The following DDR2 variants were observed in gnomAD, a reference collection of about 807,000 sequenced individuals.
DDR2 encodes discoidin domain receptor tyrosine kinase 2.
Under a neutral mutation model 94.9 loss-of-function variants are expected in DDR2, and 27 were observed. The observed-to-expected ratio is 0.28, with a 90% CI of 0.21 to 0.39. The LOEUF (loss-of-function observed/expected upper bound fraction) is 0.39, where lower values mean the gene tolerates loss of function less well. Ranked by LOEUF, DDR2 falls within the 10% of genes least tolerant of loss-of-function variation. The pLI is 1.00. For synonymous variants in DDR2, 382 were observed against 377.2 expected (o/e 1.01, Z -0.15); for missense variants, 783 against 1,076.0 (o/e 0.73, Z 3.81).
chr1:162,754,634 G>A lies in DDR2; in HGVS notation c.196G>A (p.Glu66Lys), dbSNP rs1663366976. 1 of 1,614,022 alleles carries A rather than the reference G, an allele frequency of 6.2e-7. No homozygotes were observed. The change falls in exon 5 of 18, where the codon GAA (glutamate) becomes AAA (lysine). Residue 66 changes from glutamate (E) to lysine (K), a missense_variant. Coordinates refer to ENST00000367921, the MANE Select transcript of DDR2 (RefSeq NM_006182.4). ...TAAKYGRLDS[E>K]EGDGAWCPEI... ...CCCTCACCTCTCAAGGCTGGACTCA[G>A]AAGAAGGGGATGGAGCCTGGTGCCC...
intron 3 of DDR2, among the ~76,000 whole-genome samples, chr1:162,748,065 A>G (rs1207402542): frequency 6.6e-6 from 1 of 152,246 alleles, no homozygotes; most frequent in Non-Finnish European, 1.5e-5. Context: ...TGTAAACACC[A>G]TCGATGCTAG....
chr1:162,698,770 A>G (rs1660302376), intron 2 of DDR2, among the ~76,000 whole-genome samples: 1 of 152,160 alleles, frequency 6.6e-6, no homozygotes, highest in Non-Finnish European at 1.5e-5. Context: ...TTCTTGAACT[A>G]TGCAGCAGTC....
At position 162,684,981 on chromosome 1, in the gene DDR2, A is replaced by T. The variant is rs1659617912; in HGVS notation, c.-28+29607A>T. On this transcript the variant is annotated intron_variant, in intron 2 of 17. Coordinates refer to ENST00000367921, the MANE Select transcript of DDR2 (RefSeq NM_006182.4). ...ATAACACTCAAACTTGAATTGGGACACAAGAACTTTTCCCTCTCGGGCTAG... is the reference window on the plus strand; with the variant it reads ...ATAACACTCAAACTTGAATTGGGACTCAAGAACTTTTCCCTCTCGGGCTAG... Among the ~76,000 whole-genome samples the T allele has an allele frequency of 2.0e-5, 3 of 152,290 alleles. No homozygotes were observed. The East Asian group carries it at 5.8e-4, about 29-fold the overall frequency.
In DDR2 at chr1:162,695,390, C is replaced by T. The variant is rs564050933; in HGVS notation, c.-27-23647C>T. Among the ~76,000 whole-genome samples the T allele has an allele frequency of 9.9e-5, 15 of 152,254 alleles. No homozygotes were observed. The South Asian group carries it at 3.1e-3, about 32-fold the overall frequency. ...GGGATTACAGGCAGTAGCCACCACG[C>T]CGGCTAATTTTTGTATTTTTAGTAG... On this transcript the variant is annotated intron_variant, in intron 2 of 17. Coordinates refer to ENST00000367921, the MANE Select transcript of DDR2 (RefSeq NM_006182.4).
chr1:162,773,922 C>T (rs752422179), intron 14 of DDR2, among the ~76,000 whole-genome samples: 1 of 152,224 alleles, frequency 6.6e-6, no homozygotes, highest in Non-Finnish European at 1.5e-5. Flanking sequence ...AGACATACTC[C>T]TGCATGTCAT....
intron 2 of DDR2, among the ~76,000 whole-genome samples, chr1:162,703,879 G>A (rs757363825): frequency 9.2e-5 from 14 of 152,080 alleles, no homozygotes; most frequent in Admixed American, 4.6e-4. Flanking sequence ...TACTTTGTGC[G>A]CATGCCGGGA....
At chr1:162,664,169 CT>C (rs945136308) in intron 2 of DDR2, among the ~76,000 whole-genome samples, 3 of 151,894 alleles carry the variant, frequency 2.0e-5, no homozygotes, top group Non-Finnish European at 4.4e-5. Flanking sequence ...TTTATGAAGA[CT>C]TTTTTTGCCC....
intron 2 of DDR2, among the ~76,000 whole-genome samples, chr1:162,693,243 G>T (rs913628391): frequency 6.6e-6 from 1 of 152,106 alleles, no homozygotes; most frequent in African/African-American, 2.4e-5. Flanking sequence ...GGCCCTGAGT[G>T]GTGATAACAC....
At position 162,754,826 on chromosome 1, in the gene DDR2, A is replaced by G. The variant is rs1663378999; in HGVS notation, c.388A>G (p.Ile130Val). Residue 130 changes from isoleucine (I) to valine (V), a missense_variant, in exon 5 of 18, where the codon ATC becomes GTC. By Grantham distance (29) the Ile-to-Val change is conservative (BLOSUM62 3). This residue lies in a region of DDR2 where 519 missense variants were observed against 647.9 expected (regional missense o/e 0.80). Transcript: ENST00000367921. ...INYSRDGTRW[I>V]SWRNRHGKQV... ...TTACAGTCGGGATGGCACTCGCTGGATCTCTTGGCGGAACCGTCATGGGAA... is the reference window on the plus strand; with the variant it reads ...TTACAGTCGGGATGGCACTCGCTGGGTCTCTTGGCGGAACCGTCATGGGAA... 6.2e-7 allele frequency: 1 copy of G among 1,613,886 alleles called. No individual in the cohort carries two copies. Among genetic ancestry groups the G allele is most frequent in the African/African-American group, 1.3e-5 (1 of 74,848 alleles).
At chr1:162,640,751 T>C (rs1192984519) in intron 1 of DDR2, among the ~76,000 whole-genome samples, 1 of 152,176 alleles carries the variant, frequency 6.6e-6, no homozygotes, top group South Asian at 2.1e-4. Flanking sequence ...TTCAAAATCT[T>C]GAAAAAGACT....
chr1:162,742,213 T>A (rs1211503694), intron 3 of DDR2, among the ~76,000 whole-genome samples: 1 of 152,276 alleles, frequency 6.6e-6, no homozygotes, highest in Non-Finnish European at 1.5e-5. Context: ...GTTCATCTCT[T>A]GATTCAAAAC....
At chr1:162,691,547 G>T (rs889574494) in intron 2 of DDR2, among the ~76,000 whole-genome samples, 1 of 152,228 alleles carries the variant, frequency 6.6e-6, no homozygotes, top group African/African-American at 2.4e-5. Context: ...TGATGCAAAC[G>T]CTGTGCTTGG....
intron 9 of DDR2, among the ~76,000 whole-genome samples, chr1:162,765,507 T>A (rs1210366004): frequency 6.6e-6 from 1 of 151,952 alleles, no homozygotes; most frequent in South Asian, 2.1e-4. Flanking sequence ...AAAAAGACAC[T>A]CCAATGTCAG....
chr1:162,736,806 T>G lies in DDR2; in HGVS notation c.83-16289T>G, dbSNP rs1044920779. ...TTCTCTTTTCTCAACTCTATGAAGA[T>G]TCTTACTTTACTGAATTAGACACTT... On this transcript the variant is annotated intron_variant, in intron 3 of 17. Transcript: ENST00000367921. Among the ~76,000 whole-genome samples, 3 of 152,322 alleles carry G rather than the reference T, an allele frequency of 2.0e-5. No individual in the cohort carries two copies. The East Asian group carries it at 5.8e-4, about 29-fold the overall frequency.
chr1:162,776,787 A>G (rs1165354055), intron 16 of DDR2, among the ~76,000 whole-genome samples: 2 of 152,158 alleles, frequency 1.3e-5, no homozygotes, highest in Non-Finnish European at 2.9e-5. Flanking sequence ...AATACTTTTC[A>G]ACATGTTCTT....
At chr1:162,741,177 T>C (rs180944218) in intron 3 of DDR2, among the ~76,000 whole-genome samples, 10 of 137,614 alleles carry the variant, frequency 7.3e-5, no homozygotes, top group Admixed American at 1.5e-4. Flanking sequence ...TATAATATAA[T>C]ATAATATAAC....
intron 1 of DDR2, among the ~76,000 whole-genome samples, chr1:162,637,318 AG>A (rs1156413671): frequency 2.0e-5 from 3 of 152,172 alleles, no homozygotes; most frequent in Non-Finnish European, 4.4e-5. Flanking sequence ...AAAATAATAC[AG>A]AAATAGTTAT....
intron 2 of DDR2, among the ~76,000 whole-genome samples, chr1:162,693,920 C>T (rs1432845343): frequency 6.6e-6 from 1 of 152,128 alleles, no homozygotes; most frequent in Non-Finnish European, 1.5e-5. Context: ...AATCATGATC[C>T]ATTTGATTTC....
At chr1:162,693,752 G>A (rs1660058785) in intron 2 of DDR2, among the ~76,000 whole-genome samples, 1 of 152,174 alleles carries the variant, frequency 6.6e-6, no homozygotes, top group Admixed American at 6.5e-5. Context: ...GAGCCTGGAT[G>A]AAGTGAGTAA....
Sources: gnomAD v4.1 joint callset for allele counts (sites outside exome capture counted in the v4.1 genomes callset) on GRCh38, gnomAD v4.1.1 for gene constraint, gnomAD v4.1.1 regional missense constraint, MANE v1.5 for transcripts, NCBI Gene and HGNC (gene_info 2026-07-23, HGNC 2026-07-21) for gene names.